Variants in RNF220 observed in about 807,000 individuals in gnomAD.
The protein encoded by RNF220 is E3 ubiquitin-protein ligase RNF220.
A neutral mutation model predicts 67.1 loss-of-function variants in RNF220; 7 were observed. The ratio of observed to expected loss-of-function variants is 0.10; its 90% CI spans 0.06 to 0.20. The LOEUF is 0.20. Ranked by LOEUF, RNF220 falls within the 10% of genes least tolerant of loss-of-function variation. The pLI, the probability that RNF220 is intolerant of heterozygous loss-of-function variation, is 1.00. For missense variants in RNF220, 565 were observed against 740.3 expected (o/e 0.76, Z 2.75); for synonymous variants, 270 against 283.2 (o/e 0.95, Z 0.47).
At chr1:44,411,776 C>G (rs144088465) in intron 1 of RNF220, among the ~76,000 whole-genome samples, 1 of 152,050 alleles carries the variant, frequency 6.6e-6, no homozygotes, top group South Asian at 2.1e-4. Context: ...AAGTCAGCTA[C>G]GCGTACATCA....
At chr1:44,628,335 G>A (rs1644017779) in intron 5 of RNF220, among the ~76,000 whole-genome samples, 1 of 152,208 alleles carries the variant, frequency 6.6e-6, no homozygotes, top group Admixed American at 6.5e-5. Context: ...ATCTCCTAGA[G>A]ACTATGAGGA....
At chr1:44,446,363 T>C (rs1388640191) in intron 2 of RNF220, among the ~76,000 whole-genome samples, 3 of 152,174 alleles carry the variant, frequency 2.0e-5, no homozygotes, top group Non-Finnish European at 4.4e-5. Flanking sequence ...ATCTAAAAAA[T>C]TAAGTTTTGC....
chr1:44,631,988 C>T lies in RNF220; in HGVS notation c.907-355C>T. 4 of 1,006,468 alleles carry T rather than the reference C, an allele frequency of 4.0e-6. No individual in the cohort carries two copies. The African/African-American group carries it at 5.2e-5, about 13-fold the overall frequency. The allele number at this position is 1,006,468 out of a possible 1,614,324, so 62.3% of individuals were successfully genotyped here. Reference sequence around the variant, plus strand: ...TGATTAGGGCCAACATGGCCGCCGCCGCCGCTTGGAGCTGAAGTGCCGCCG... The same window carrying T: ...TGATTAGGGCCAACATGGCCGCCGCTGCCGCTTGGAGCTGAAGTGCCGCCG... On this transcript the variant is annotated intron_variant, in intron 5 of 14. Coordinates refer to ENST00000361799, the MANE Select transcript of RNF220 (RefSeq NM_018150.4).
At chr1:44,632,413 C>CCCCACCCCCGGCCTCCTCCCTCCCT (rs1557461192) in intron 6 of RNF220, 28 bp downstream of exon 6, 19 of 1,598,038 alleles carry the variant, frequency 1.2e-5, no homozygotes, top group Non-Finnish European at 1.5e-5. Flanking sequence ...CCTCCCTCCG[C>CCCCACCCCCGGCCTCCTCCCTCCCT]CCCACCCCCG....
chr1:44,556,493 A>G (rs549027400), intron 2 of RNF220, among the ~76,000 whole-genome samples: 1 of 148,188 alleles, frequency 6.7e-6, no homozygotes, highest in African/African-American at 2.5e-5. Flanking sequence ...TTTTAATGCA[A>G]CTCCCTCAGA....
rs548592291 is a variant in RNF220, at chr1:44,600,293, G to A, written c.626-13872G>A. On this transcript the variant is annotated intron_variant, in intron 2 of 14. Coordinates refer to ENST00000361799, the MANE Select transcript of RNF220 (RefSeq NM_018150.4). This position sits in a 1 kb window ranked among gnomAD's most constrained non-coding sequence, Gnocchi z 4.0. ...GTACGTGGCTCAGATTGGAGGTACA[G>A]GCTGAGGGAATGAAACCAGAGTTTC... is the stretch of plus-strand genomic sequence containing the variant. 2.0e-5 allele frequency among the ~76,000 whole-genome samples: 3 copies of A among 152,320 alleles called. No individual in the cohort carries two copies. The South Asian group carries it at 6.2e-4, about 32-fold the overall frequency.
intron 2 of RNF220, among the ~76,000 whole-genome samples, chr1:44,550,913 C>T (rs1350683408): frequency 6.6e-6 from 1 of 152,138 alleles, no homozygotes; most frequent in Non-Finnish European, 1.5e-5. Flanking sequence ...CCTAGTGTCA[C>T]ATGACACACT....
chr1:44,649,695 G>A lies in RNF220; in HGVS notation c.1480G>A (p.Ala494Thr), dbSNP rs1644738869. 6.2e-7 allele frequency: 1 copy of A among 1,613,922 alleles called. No individual in the cohort carries two copies. The highest frequency in any genetic ancestry group is 1.3e-5 in the African/African-American group (1 of 74,876). The change falls in exon 13 of 15, where the codon GCT becomes ACT. Residue 494 changes from alanine (A) to threonine (T), a missense_variant. Physicochemically the swap from Ala to Thr is moderately conservative, Grantham distance 58. Transcript: ENST00000361799. The surrounding 1 kb of genome is among the most constrained non-coding windows in gnomAD (Gnocchi z 5.9). ...AGATTCAGCTGTGACCACGTTTGAGGCTCTGAAGGCTCGGGTCAGAGAACT... is the reference window on the plus strand; with the variant it reads ...AGATTCAGCTGTGACCACGTTTGAGACTCTGAAGGCTCGGGTCAGAGAACT... ...TEDSAVTTFEALKARVRELER... is the reference protein window; with the variant it reads ...TEDSAVTTFETLKARVRELER...
intron 2 of RNF220, among the ~76,000 whole-genome samples, chr1:44,562,279 G>A (rs1663629920): frequency 6.6e-6 from 1 of 152,120 alleles, no homozygotes; most frequent in African/African-American, 2.4e-5. Flanking sequence ...AGGGGAGAGG[G>A]CACAGAATGC....
chr1:44,418,246 C>A (rs969652662), intron 2 of RNF220, among the ~76,000 whole-genome samples: 5 of 152,054 alleles, frequency 3.3e-5, no homozygotes, highest in Admixed American at 2.6e-4. Flanking sequence ...AGGGTTCTGC[C>A]TGGAGAAGGA....
In RNF220 at chr1:44,630,085, G is replaced by C. The variant is rs548869528; in HGVS notation, c.907-2258G>C. Among the ~76,000 whole-genome samples, 13 of 152,290 alleles carry C rather than the reference G, an allele frequency of 8.5e-5. No individual in the cohort carries two copies. The South Asian group carries it at 2.7e-3, about 32-fold the overall frequency. The stretch of plus-strand genomic sequence containing the variant: ...ACTGAGCTAGGCCTTGAAACCAGGG[G>C]GTATTGGTTTCTGGGGTTTTGTTTT... On this transcript the variant is annotated intron_variant, in intron 5 of 14. Transcript: ENST00000361799.
chr1:44,645,520 C>T lies in RNF220; in HGVS notation c.1445+32C>T, dbSNP rs374066344. 61 of 1,605,872 alleles carry T rather than the reference C, an allele frequency of 3.8e-5. No individual in the cohort carries two copies. Among genetic ancestry groups the T allele is most frequent in the Non-Finnish European group, 5.1e-5 (60 of 1,174,338 alleles). ...GTTTGGCCAGGAGAGAGCCCTGGGA[C>T]CACAGTTCAGTGGGAGGAGGGGCCC... On this transcript the variant is annotated intron_variant, in intron 12 of 14. Coordinates refer to ENST00000361799, the MANE Select transcript of RNF220 (RefSeq NM_018150.4). This position sits in a 1 kb window ranked among gnomAD's most constrained non-coding sequence, Gnocchi z 5.0.
intron 4 of RNF220, among the ~76,000 whole-genome samples, chr1:44,625,325 C>G (rs1402878967): frequency 1.3e-5 from 2 of 152,224 alleles, no homozygotes; most frequent in Non-Finnish European, 2.9e-5. Context: ...AGTCAGGGAG[C>G]CCTGCCAGAC....
At chr1:44,582,023 A>T (rs1665318183) in intron 2 of RNF220, among the ~76,000 whole-genome samples, 1 of 152,126 alleles carries the variant, frequency 6.6e-6, no homozygotes, top group Non-Finnish European at 1.5e-5. Context: ...TCACCTTGGG[A>T]AGTTACTTCC....
chr1:44,592,494 C>G (rs750576375), intron 2 of RNF220, among the ~76,000 whole-genome samples: 5 of 152,168 alleles, frequency 3.3e-5, no homozygotes, highest in Admixed American at 6.5e-5. Context: ...GGGGAAGGGC[C>G]AGGCCTTCCT....
chr1:44,529,348 T>TACAC (rs143407827), intron 2 of RNF220, among the ~76,000 whole-genome samples: 460 of 150,000 alleles, frequency 3.1e-3, no homozygotes, highest in African/African-American at 4.6e-3. Flanking sequence ...AAAAAGGAAT[T>TACAC]ACACACACAC....
At chr1:44,552,974 G>T (rs1180194564) in intron 2 of RNF220, among the ~76,000 whole-genome samples, 1 of 152,114 alleles carries the variant, frequency 6.6e-6, no homozygotes, top group Non-Finnish European at 1.5e-5. Context: ...AATTCCAGCC[G>T]TGCTGAGTTA....
intron 2 of RNF220, among the ~76,000 whole-genome samples, chr1:44,488,526 G>T (rs1656549570): frequency 6.6e-6 from 1 of 151,936 alleles, no homozygotes; most frequent in African/African-American, 2.4e-5. Flanking sequence ...TGTTTCCCAG[G>T]CTGGTCTTGA....
At chr1:44,623,607 G>A (rs1025853610) in intron 4 of RNF220, among the ~76,000 whole-genome samples, 2 of 152,194 alleles carry the variant, frequency 1.3e-5, no homozygotes, top group Admixed American at 1.3e-4. Flanking sequence ...GCCACCCCTA[G>A]CCCATTTTAT....
Sources: gnomAD v4.1 joint callset for allele counts (sites outside exome capture counted in the v4.1 genomes callset) on GRCh38, gnomAD v4.1.1 for gene constraint, Gnocchi (gnomAD v3.1) non-coding constraint, MANE v1.5 for transcripts, NCBI Gene and HGNC (gene_info 2026-07-23, HGNC 2026-07-21) for gene names.